The following AGBL1 variants were observed in gnomAD, a reference collection of about 807,000 sequenced individuals.
AGBL1 encodes the protein AGBL carboxypeptidase 1.
A neutral mutation model predicts 118.9 loss-of-function variants in AGBL1; 130 were observed. The observed-to-expected ratio is 1.09, with a 90% CI of 0.95 to 1.26. AGBL1 has a LOEUF of 1.26. Among genes scored for constraint, AGBL1 ranks in the 50% most tolerant of loss-of-function variants. The probability of loss-of-function intolerance (pLI) is 0.00; values close to 1 mark genes in which losing one functional copy is unlikely to be tolerated. For missense variants in AGBL1, 1,584 were observed against 1,298.1 expected (o/e 1.22, Z -3.38); for synonymous variants, 555 against 478.9 (o/e 1.16, Z -2.08).
intron 16 of AGBL1, among the ~76,000 whole-genome samples, chr15:86,290,683 A>AT (rs71144035): frequency 8.5e-4 from 128 of 150,750 alleles, no homozygotes; most frequent in Middle Eastern, 3.4e-3. Context: ...TTTTTTATTT[A>AT]TTTTTTTTAT....
chr15:86,554,473 TG>T lies in AGBL1; in HGVS notation c.2935del (p.Val979CysfsTer62). ...STARVVVWRE[M>X]GVSRSYTMES... ...GCCCGGGTGGTGGTGTGGAGAGAGATGGGGGTGTCCAGAAGCTACACCATGG... is the reference window on the plus strand; with the variant it reads ...GCCCGGGTGGTGGTGTGGAGAGAGATGGGGTGTCCAGAAGCTACACCATGG... On this transcript the variant is annotated frameshift_variant, in exon 21 of 23. Coordinates refer to ENST00000614907, the MANE Select transcript of AGBL1 (RefSeq NM_001386094.1). LOFTEE classifies it high-confidence loss of function. The T allele has an allele frequency of 1.3e-6, 2 of 1,587,212 alleles. No homozygotes were observed. The highest frequency in any genetic ancestry group is 3.6e-5 in the Admixed American group (2 of 55,462).
At chr15:87,003,499 GTT>G (rs1194254156) in intron 24 of AGBL1, among the ~76,000 whole-genome samples, 2 of 152,160 alleles carry the variant, frequency 1.3e-5, no homozygotes, top group African/African-American at 4.8e-5. Flanking sequence ...CACAAAATGA[GTT>G]AGGGAGAATT....
rs1232395928 is a variant in AGBL1 at position 86,827,483 on chromosome 15, A to G, written c.3159-79604A>G. Among the ~76,000 whole-genome samples the G allele has an allele frequency of 2.5e-3, 12 of 4,778 alleles. 3 individuals carry two copies. Among genetic ancestry groups the G allele is most frequent in the Non-Finnish European group, 3.2e-3 (9 of 2,794 alleles). The allele number at this position is 4,778 out of a possible 152,430, so 3.1% of individuals were successfully genotyped here. On this transcript the variant is annotated intron_variant, in intron 22 of 22. Transcript: ENST00000614907. ...TATATATATATACATATATATATAT[A>G]TGTGTGTATATATATATATATATAT... is the stretch of plus-strand genomic sequence containing the variant.
chr15:86,500,602 TC>T (rs2082906869), intron 18 of AGBL1, among the ~76,000 whole-genome samples: 3 of 206 alleles, frequency 0.015, no homozygotes, highest in Non-Finnish European at 9.4e-3. Context: ...ACTAGCTCAT[TC>T]CAGTACAATT....
chr15:86,288,784 C>T (rs557084826), intron 16 of AGBL1, among the ~76,000 whole-genome samples: 3 of 151,958 alleles, frequency 2.0e-5, no homozygotes, highest in East Asian at 3.9e-4. Flanking sequence ...TATTCAAGAC[C>T]GAGGTGCTGT....
chr15:86,207,829 A>G (rs374127180), intron 5 of AGBL1, among the ~76,000 whole-genome samples: 1 of 152,038 alleles, frequency 6.6e-6, no homozygotes, highest in Non-Finnish European at 1.5e-5. Context: ...GATTGCCCTG[A>G]CCAGAACTTC....
At chr15:86,687,866 A>G (rs1201722559) in intron 22 of AGBL1, among the ~76,000 whole-genome samples, 1 of 152,118 alleles carries the variant, frequency 6.6e-6, no homozygotes, top group East Asian at 1.9e-4. Context: ...AGAGACCCAT[A>G]CACACTGGCA....
In AGBL1 at chr15:86,516,084, A is replaced by G. The variant is rs748689062; in HGVS notation, c.2556-6726A>G. The stretch of plus-strand genomic sequence containing the variant: ...GACTCTGATTAGCCTTTTACTGAAT[A>G]CACAAGTTCCATGTGAGAGGAAACT... On this transcript the variant is annotated intron_variant, in intron 18 of 22. Transcript: ENST00000614907. Among the ~76,000 whole-genome samples the G allele has an allele frequency of 1.4e-4, 21 of 152,162 alleles. 1 individual carries two copies. The highest frequency in any genetic ancestry group is 4.4e-5 in the Non-Finnish European group (3 of 68,014).
At position 86,966,279 on chromosome 15, in the gene AGBL1, C is replaced by CTTT. The variant is rs200070732; in HGVS notation, c.3222-21695_3222-21693dup. 6.9e-5 allele frequency among the ~76,000 whole-genome samples: 9 copies of CTTT among 130,416 alleles called. 1 individual carries two copies. Among genetic ancestry groups the CTTT allele is most frequent in the Middle Eastern group, 7.4e-3 (2 of 272 alleles). The allele number at this position is 130,416 out of a possible 152,430, so 85.6% of individuals were successfully genotyped here. A position where few individuals can be genotyped will look rare whatever the true frequency, so the allele number is the denominator to read the frequency against. ...ATTTAGGTGTGGGATTGAACCATTT[C>CTTT]TTTTTTTTTTTTTTTAACAGAAATC... is the stretch of plus-strand genomic sequence containing the variant. On this transcript the variant is annotated intron_variant, in intron 23 of 24. Coordinates refer to the AGBL1 transcript ENST00000441037.
intron 18 of AGBL1, among the ~76,000 whole-genome samples, chr15:86,458,114 G>A (rs1485362627): frequency 2.0e-5 from 3 of 152,098 alleles, no homozygotes; most frequent in Middle Eastern, 3.4e-3. Context: ...TGATAACAAG[G>A]CTCAGAAGGC....
intron 20 of AGBL1, among the ~76,000 whole-genome samples, chr15:86,548,659 GCACGCACA>G (rs1434906731): frequency 2.0e-5 from 2 of 100,970 alleles, no homozygotes; most frequent in African/African-American, 4.4e-5. Context: ...ACACACACAT[GCACGCACA>G]CACACACACA....
chr15:86,341,107 G>T (rs777934707), intron 17 of AGBL1, among the ~76,000 whole-genome samples: 2 of 152,188 alleles, frequency 1.3e-5, no homozygotes, highest in Non-Finnish European at 2.9e-5. Flanking sequence ...GACACTGCAG[G>T]TTCCCTACCT....
At chr15:86,820,319 G>A (rs1215970054) in intron 22 of AGBL1, among the ~76,000 whole-genome samples, 1 of 152,162 alleles carries the variant, frequency 6.6e-6, no homozygotes, top group East Asian at 1.9e-4. Flanking sequence ...AAGAGCTTCT[G>A]CACAGCAAAA....
intron 17 of AGBL1, among the ~76,000 whole-genome samples, chr15:86,367,764 C>T (rs760579393): frequency 3.3e-5 from 5 of 152,116 alleles, no homozygotes; most frequent in Non-Finnish European, 5.9e-5. Context: ...GTCGTCCAAA[C>T]AGATGACGTT....
At chr15:87,029,294 C>G (rs2081764167), downstream of AGBL1, among the ~76,000 whole-genome samples, 1 of 151,802 alleles carries the variant, frequency 6.6e-6, no homozygotes, top group Non-Finnish European at 1.5e-5. Flanking sequence ...TTATGTAATA[C>G]TGAAACAACT....
chr15:86,967,218 G>A (rs567751982), intron 23 of AGBL1, among the ~76,000 whole-genome samples: 1 of 152,140 alleles, frequency 6.6e-6, no homozygotes, highest in African/African-American at 2.4e-5. Context: ...TGTAGATTCT[G>A]GATATTAGCC....
intron 22 of AGBL1, among the ~76,000 whole-genome samples, chr15:86,724,000 C>T (rs1379491455): frequency 2.0e-5 from 3 of 152,104 alleles, no homozygotes; most frequent in African/African-American, 7.2e-5. Context: ...CTTTGGGAGG[C>T]CGAGGTGGGC....
At chr15:86,281,788 C>T (rs574000605) in intron 16 of AGBL1, among the ~76,000 whole-genome samples, 4 of 152,298 alleles carry the variant, frequency 2.6e-5, no homozygotes, top group African/African-American at 9.6e-5. Context: ...AGTGTCATTG[C>T]TTGCCATTAC....
intron 21 of AGBL1, among the ~76,000 whole-genome samples, chr15:86,632,392 G>A (rs899921547): frequency 2.6e-5 from 4 of 152,024 alleles, no homozygotes; most frequent in East Asian, 1.9e-4. Context: ...GCGGTGAGCC[G>A]AGATTTCACC....
Sources: allele counts gnomAD v4.1 joint callset (sites outside exome capture counted in the v4.1 genomes callset), GRCh38; gene constraint gnomAD v4.1.1; transcripts MANE v1.5; gene names NCBI Gene and HGNC (gene_info 2026-07-23, HGNC 2026-07-21).